The following SORCS1 variants were observed in gnomAD, a reference collection of about 807,000 sequenced individuals.
The protein encoded by SORCS1 is VPS10 domain-containing receptor SorCS1.
In SORCS1, 60 loss-of-function variants were observed where a neutral mutation model predicts 146.1. That is an observed-to-expected ratio of 0.41 (90% CI 0.33 to 0.51). SORCS1 has a LOEUF of 0.51. Ranked by LOEUF, SORCS1 falls within the 20% of genes least tolerant of loss-of-function variation. SORCS1 has a pLI of 0.21. For synonymous variants in SORCS1, 637 were observed against 584.0 expected (o/e 1.09, Z -1.31); for missense variants, 1,352 against 1,487.6 (o/e 0.91, Z 1.50).
chr10:107,093,420 ATC>A (rs749430172), intron 1 of SORCS1, among the ~76,000 whole-genome samples: 2 of 152,210 alleles, frequency 1.3e-5, no homozygotes, highest in Non-Finnish European at 2.9e-5. Flanking sequence ...CACGCCTGTA[ATC>A]CCAACACTTT....
At chr10:106,959,106 A>G (rs1016283033) in intron 1 of SORCS1, among the ~76,000 whole-genome samples, 12 of 152,176 alleles carry the variant, frequency 7.9e-5, no homozygotes, top group African/African-American at 2.7e-4. Context: ...CCAGCATGTG[A>G]TGGTGTGGAG....
chr10:106,957,963 G>A (rs990789063), intron 1 of SORCS1, among the ~76,000 whole-genome samples: 5 of 152,122 alleles, frequency 3.3e-5, no homozygotes, highest in East Asian at 1.9e-4. Flanking sequence ...GGACAGAAGC[G>A]CTCATGAAAG....
In SORCS1 at chr10:107,073,813, T is replaced by C. The variant is rs117250034; in HGVS notation, c.558+90156A>G. Reference sequence around the variant, plus strand: ...TGTGGCACTATGGACACCAGTACTATATGGTTGGGAAAGCAAAGAAGGTTA... The same window carrying C: ...TGTGGCACTATGGACACCAGTACTACATGGTTGGGAAAGCAAAGAAGGTTA... On this transcript the variant is annotated intron_variant, in intron 1 of 25. Coordinates refer to ENST00000263054, the MANE Select transcript of SORCS1 (RefSeq NM_052918.5). Among the ~76,000 whole-genome samples the C allele has an allele frequency of 3.2e-4, 49 of 152,170 alleles. No individual in the cohort carries two copies. In the East Asian group the frequency reaches 9.5e-3, roughly 29 times the overall value.
chr10:106,904,390 C>A (rs1256131495), intron 2 of SORCS1, among the ~76,000 whole-genome samples: 3 of 152,122 alleles, frequency 2.0e-5, no homozygotes, highest in Non-Finnish European at 4.4e-5. Context: ...ATATACATAT[C>A]AATGGCTCAG....
At chr10:106,678,919 C>T (rs954119610) in intron 12 of SORCS1, among the ~76,000 whole-genome samples, 1 of 152,246 alleles carries the variant, frequency 6.6e-6, no homozygotes, top group East Asian at 1.9e-4. Flanking sequence ...ACCCTTAAGG[C>T]TGCATATTCC....
At chr10:106,785,283 C>T (rs60698447) in intron 3 of SORCS1, among the ~76,000 whole-genome samples, 13,917 of 152,196 alleles carry the variant, frequency 0.091, 753 homozygotes, top group East Asian at 0.22. Context: ...CAACCAGACT[C>T]GCTATCACCT....
At chr10:106,657,217 G>C (rs565497688) in intron 17 of SORCS1, among the ~76,000 whole-genome samples, 4 of 152,160 alleles carry the variant, frequency 2.6e-5, no homozygotes, top group Non-Finnish European at 5.9e-5. Flanking sequence ...GTGCCTATCA[G>C]CTGATGAGTG....
rs556778510 is a variant in SORCS1 at position 107,159,423 on chromosome 10, C to T, written c.558+4546G>A. Reference sequence around the variant, plus strand: ...ACAACATTTCAACATGCTATGACTACGTATCTAATTTTTGTATACAGCCAG... The same window carrying T: ...ACAACATTTCAACATGCTATGACTATGTATCTAATTTTTGTATACAGCCAG... On this transcript the variant is annotated intron_variant, in intron 1 of 25. Transcript: ENST00000263054. Among the ~76,000 whole-genome samples the T allele has an allele frequency of 4.6e-5, 7 of 152,266 alleles. No homozygotes were observed. The East Asian group carries it at 1.3e-3, about 29-fold the overall frequency.
intron 19 of SORCS1, among the ~76,000 whole-genome samples, chr10:106,624,973 G>C (rs1033026177): frequency 6.6e-6 from 1 of 152,226 alleles, no homozygotes; most frequent in South Asian, 2.1e-4. Flanking sequence ...GGCTGGCTGC[G>C]TTAAGTAGGA....
At chr10:106,850,152 AGCCTGGGCAATGGCGGGCGCCCCTCCC>A (rs1367162066) in intron 2 of SORCS1, among the ~76,000 whole-genome samples, 1 of 151,722 alleles carries the variant, frequency 6.6e-6, no homozygotes, top group African/African-American at 2.4e-5. Context: ...TACCTAAGCA[AGCCTGGGCAATGGCGGGCGCCCCTCCC>A]CCAGCCTCGC....
intron 9 of SORCS1, among the ~76,000 whole-genome samples, chr10:106,697,412 C>T (rs371540553): frequency 4.0e-5 from 6 of 151,112 alleles, no homozygotes; most frequent in African/African-American, 7.3e-5. Context: ...ACCAAGATCA[C>T]GCCACTGCAC....
At chr10:107,034,680 C>CAA (rs553032484) in intron 1 of SORCS1, among the ~76,000 whole-genome samples, 150 of 13,784 alleles carry the variant, frequency 0.011, 27 homozygotes, top group South Asian at 0.042. Context: ...AACTCCATCT[C>CAA]AAAAAAAAAA....
chr10:107,116,308 A>G (rs866135520), intron 1 of SORCS1, among the ~76,000 whole-genome samples: 2 of 152,180 alleles, frequency 1.3e-5, no homozygotes, highest in Non-Finnish European at 2.9e-5. Context: ...GAGATACCAG[A>G]ATCTCCATAT....
intron 1 of SORCS1, among the ~76,000 whole-genome samples, chr10:106,975,421 C>G (rs1306852014): frequency 6.6e-6 from 1 of 152,176 alleles, no homozygotes; most frequent in African/African-American, 2.4e-5. Context: ...TTTTATCGGG[C>G]TCAGAGAAAA....
chr10:107,058,536 G>T (rs1372517800), intron 1 of SORCS1, among the ~76,000 whole-genome samples: 1 of 152,222 alleles, frequency 6.6e-6, no homozygotes, highest in Non-Finnish European at 1.5e-5. Context: ...ACTTCAGGCT[G>T]TCTTACTATC....
At chr10:107,157,616 G>A (rs1002809439) in intron 1 of SORCS1, among the ~76,000 whole-genome samples, 3 of 152,186 alleles carry the variant, frequency 2.0e-5, no homozygotes, top group African/African-American at 7.2e-5. Flanking sequence ...TTTCATATGT[G>A]TGTAAAATCT....
At chr10:106,998,042 G>A (rs757189941) in intron 1 of SORCS1, among the ~76,000 whole-genome samples, 5 of 152,214 alleles carry the variant, frequency 3.3e-5, no homozygotes, top group Non-Finnish European at 1.5e-5. Context: ...TGCAACAGAC[G>A]AGCAGCCTTG....
intron 18 of SORCS1, among the ~76,000 whole-genome samples, chr10:106,631,542 G>T (rs1485124736): frequency 6.6e-6 from 1 of 152,202 alleles, no homozygotes; most frequent in African/African-American, 2.4e-5. Flanking sequence ...GGTATCTGGG[G>T]TTATCCATGG....
Position 106,966,636 on chromosome 10 carries a change from GAC to G in SORCS1, c.559-10058_559-10057del, listed in dbSNP as rs533754148. On this transcript the variant is annotated intron_variant, in intron 1 of 25. Coordinates refer to ENST00000263054, the MANE Select transcript of SORCS1 (RefSeq NM_052918.5). ...CATACAGATAACCGAATCAACATTA[GAC>G]ACAGCAAATTGTAGCACATGGAGAG... Among the ~76,000 whole-genome samples, 1,179 of 152,312 alleles carry G rather than the reference GAC, an allele frequency of 7.7e-3. 5 individuals are homozygous for G. The highest frequency in any genetic ancestry group is 0.012 in the Non-Finnish European group (839 of 68,030).
Sources: allele counts gnomAD v4.1 joint callset (sites outside exome capture counted in the v4.1 genomes callset), GRCh38; gene constraint gnomAD v4.1.1; transcripts MANE v1.5; gene names NCBI Gene and HGNC (gene_info 2026-07-23, HGNC 2026-07-21).